AUTS2: variants seen among roughly 807,000 people sequenced by gnomAD.
AUTS2 encodes the protein activator of transcription and developmental regulator AUTS2.
A neutral mutation model predicts 112.4 loss-of-function variants in AUTS2; 17 were observed. That is an observed-to-expected ratio of 0.15 (90% CI 0.10 to 0.23). AUTS2 has a LOEUF of 0.23. Ranked by LOEUF, AUTS2 falls within the 10% of genes least tolerant of loss-of-function variation. AUTS2 has a pLI of 1.00. For synonymous variants in AUTS2, 751 were observed against 702.7 expected (o/e 1.07, Z -1.09); for missense variants, 1,510 against 1,701.6 (o/e 0.89, Z 1.98).
chr7:69,779,211 C>T (rs1468811304), intron 1 of AUTS2, among the ~76,000 whole-genome samples: 2 of 151,716 alleles, frequency 1.3e-5, no homozygotes, highest in African/African-American at 4.8e-5. Flanking sequence ...GTGAATACTA[C>T]TACAATTTTA....
At chr7:69,876,349 A>AAAAAAAAAT (rs1554396465) in intron 1 of AUTS2, among the ~76,000 whole-genome samples, 1 of 29,494 alleles carries the variant, frequency 3.4e-5, no homozygotes, top group African/African-American at 1.5e-4. Context: ...AAAAAAAAAA[A>AAAAAAAAAT]ATATATATAT....
intron 1 of AUTS2, among the ~76,000 whole-genome samples, chr7:69,726,176 T>G (rs372999979): frequency 7.9e-5 from 12 of 152,206 alleles, no homozygotes; most frequent in African/African-American, 2.9e-4. Flanking sequence ...GAAAAAGTTT[T>G]TTAGTTTCCG....
chr7:70,787,246 T>C lies in AUTS2; in HGVS notation c.2346T>C (p.Ser782=), dbSNP rs770560767. ...NSMFGHKDGP[S]VQNFSNPHEP... ...TGTTCGGCCACAAGGATGGCCCCAG[T>C]GTGCAGAACTTTAGCAACCCTCACG... The change falls in exon 18 of 19, where the codon AGT becomes AGC. Residue 782 remains serine, a synonymous_variant. Coordinates refer to ENST00000342771, the MANE Select transcript of AUTS2 (RefSeq NM_015570.4). 3.6e-5 allele frequency: 58 copies of C among 1,614,104 alleles called. No homozygotes were observed. In the East Asian group the frequency reaches 1.2e-3, roughly 34 times the overall value.
At chr7:70,674,326 T>C (rs1376706644) in intron 5 of AUTS2, among the ~76,000 whole-genome samples, 1 of 152,232 alleles carries the variant, frequency 6.6e-6, no homozygotes, top group African/African-American at 2.4e-5. Flanking sequence ...CAGATTAATA[T>C]ATGTCTAACT....
chr7:70,388,847 GA>G (rs1793727305), intron 4 of AUTS2, among the ~76,000 whole-genome samples: 1 of 152,090 alleles, frequency 6.6e-6, no homozygotes, highest in Admixed American at 6.6e-5. Flanking sequence ...TCATGTCAAA[GA>G]AAATTAAATC....
intron 5 of AUTS2, among the ~76,000 whole-genome samples, chr7:70,600,001 G>T (rs999250294): frequency 2.0e-5 from 3 of 152,092 alleles, no homozygotes; most frequent in Admixed American, 6.5e-5. Context: ...TCAGCACCCC[G>T]GGGACTCATT....
intron 1 of AUTS2, among the ~76,000 whole-genome samples, chr7:69,689,343 ATTTTTTTT>A (rs530444257): frequency 9.8e-6 from 1 of 102,500 alleles, no homozygotes; most frequent in South Asian, 3.4e-4. Flanking sequence ...TAATTAATTA[ATTTTTTTT>A]TTTTTTTTTT....
chr7:70,007,883 A>G (rs867144206), intron 2 of AUTS2, among the ~76,000 whole-genome samples: 9 of 152,322 alleles, frequency 5.9e-5, no homozygotes, highest in South Asian at 2.1e-4. Flanking sequence ...CGCTCTCACC[A>G]TCTTCACATA....
chr7:70,639,024 T>C (rs1462016089), intron 5 of AUTS2, among the ~76,000 whole-genome samples: 3 of 152,150 alleles, frequency 2.0e-5, no homozygotes, highest in Non-Finnish European at 4.4e-5. Context: ...GGGGGGTGAA[T>C]GCTCATTAAG....
intron 5 of AUTS2, among the ~76,000 whole-genome samples, chr7:70,487,567 G>A (rs551920499): frequency 6.6e-6 from 1 of 152,308 alleles, no homozygotes. Flanking sequence ...CAGCCTAATG[G>A]ACTAATTTGT....
intron 2 of AUTS2, among the ~76,000 whole-genome samples, chr7:70,025,777 CTTT>C (rs34107096): frequency 2.4e-5 from 3 of 126,618 alleles, no homozygotes; most frequent in Non-Finnish European, 1.7e-5. Context: ...TTTTACTAAG[CTTT>C]TTTTTTTTTT....
chr7:70,145,187 G>A (rs1200268503), intron 4 of AUTS2, among the ~76,000 whole-genome samples: 1 of 151,970 alleles, frequency 6.6e-6, no homozygotes, highest in Non-Finnish European at 1.5e-5. Flanking sequence ...ATTCTTATCT[G>A]GAGCTTTAAC....
chr7:70,028,380 G>T (rs542064886), intron 2 of AUTS2, among the ~76,000 whole-genome samples: 1 of 152,310 alleles, frequency 6.6e-6, no homozygotes, highest in South Asian at 2.1e-4. Context: ...TTGATGGCAG[G>T]TCCAGTGTCC....
intron 5 of AUTS2, among the ~76,000 whole-genome samples, chr7:70,597,818 G>A (rs1803279463): frequency 6.6e-6 from 1 of 152,172 alleles, no homozygotes; most frequent in Non-Finnish European, 1.5e-5. Context: ...TAGATAATTA[G>A]CACTTCAAGT....
intron 1 of AUTS2, among the ~76,000 whole-genome samples, chr7:69,748,907 C>G (rs1787622210): frequency 6.6e-6 from 1 of 152,096 alleles, no homozygotes; most frequent in Admixed American, 6.5e-5. Flanking sequence ...GAAAATAAAT[C>G]ACTGATAACA....
chr7:70,672,203 C>T (rs1807680667), intron 5 of AUTS2, among the ~76,000 whole-genome samples: 1 of 152,200 alleles, frequency 6.6e-6, no homozygotes. Context: ...GAGCTGGAGT[C>T]TTGGGAGCCC....
chr7:69,989,216 G>A (rs1486325648), intron 2 of AUTS2, among the ~76,000 whole-genome samples: 1 of 152,192 alleles, frequency 6.6e-6, no homozygotes, highest in East Asian at 1.9e-4. Context: ...CTCATGTACA[G>A]TTTCAGGAGA....
At chr7:70,489,577 C>T (rs1205621728) in intron 5 of AUTS2, among the ~76,000 whole-genome samples, 1 of 152,200 alleles carries the variant, frequency 6.6e-6, no homozygotes, top group African/African-American at 2.4e-5. Flanking sequence ...GAGATTTATA[C>T]TTGGGTAACT....
chr7:70,319,790 A>G (rs1008938656), intron 4 of AUTS2, among the ~76,000 whole-genome samples: 2 of 152,198 alleles, frequency 1.3e-5, no homozygotes, highest in African/African-American at 4.8e-5. Context: ...GATAAATTAC[A>G]TGGTAGTGAC....
Sources: allele counts gnomAD v4.1 joint callset (sites outside exome capture counted in the v4.1 genomes callset), GRCh38; gene constraint gnomAD v4.1.1; transcripts MANE v1.5; gene names NCBI Gene and HGNC (gene_info 2026-07-23, HGNC 2026-07-21).